The following CCL26 variants were observed in gnomAD, a reference collection of about 807,000 sequenced individuals.
CCL26 encodes C-C motif chemokine 26.
CCL26 carries 10 observed loss-of-function variants against 10.7 expected under a neutral mutation model. The observed-to-expected ratio is 0.93, with a 90% CI of 0.57 to 1.58. The LOEUF (loss-of-function observed/expected upper bound fraction) is 1.58. CCL26 is among the 40% of genes most tolerant of loss of function. The probability of loss-of-function intolerance (pLI) is 0.00; values close to 1 mark genes in which losing one functional copy is unlikely to be tolerated. For missense variants in CCL26, 116 were observed against 111.0 expected (o/e 1.05, Z -0.20); for synonymous variants, 43 against 41.4 (o/e 1.04, Z -0.15).
chr7:75,772,012 C>A lies in CCL26; in HGVS notation c.74-9G>T, dbSNP rs782307904. The A allele has an allele frequency of 6.2e-7, 1 of 1,610,870 alleles. No homozygotes were observed. Among genetic ancestry groups the A allele is most frequent in the Non-Finnish European group, 8.5e-7 (1 of 1,176,990 alleles). ...GGATATGTCACTCCCACCTAAAAATCAGGGAGAGGAAGGGTTTGGAGATAC... is the reference window on the plus strand; with the variant it reads ...GGATATGTCACTCCCACCTAAAAATAAGGGAGAGGAAGGGTTTGGAGATAC... On this transcript the variant is annotated splice_polypyrimidine_tract_variant and intron_variant, in intron 1 of 2. Transcript: ENST00000005180.
chr7:75,783,024 C>T (rs763316772), intron 1 of CCL26, among the ~76,000 whole-genome samples: 18 of 152,136 alleles, frequency 1.2e-4, no homozygotes, highest in East Asian at 1.9e-4. Flanking sequence ...TCCTCACACC[C>T]GGTCTGGCTT....
At chr7:75,774,457 G>GT (rs1459364644), upstream of CCL26, among the ~76,000 whole-genome samples, 28 of 150,582 alleles carry the variant, frequency 1.9e-4, no homozygotes, top group African/African-American at 6.6e-4. Flanking sequence ...CTGTTTGTTT[G>GT]TTTTTTTGAG....
At chr7:75,774,218 C>T (rs28756072), upstream of CCL26, among the ~76,000 whole-genome samples, 6 of 152,150 alleles carry the variant, frequency 3.9e-5, no homozygotes, top group Non-Finnish European at 7.4e-5. Context: ...GGCACAATCT[C>T]GGCTCACTGC....
At chr7:75,786,247 TC>T (rs1803182130) in intron 1 of CCL26, among the ~76,000 whole-genome samples, 1 of 152,158 alleles carries the variant, frequency 6.6e-6, no homozygotes, top group Non-Finnish European at 1.5e-5. Flanking sequence ...CATATTTCCT[TC>T]TTTCCTGTTC....
At chr7:75,790,255 C>T (rs1294688747), upstream of CCL26, among the ~76,000 whole-genome samples, 5 of 146,748 alleles carry the variant, frequency 3.4e-5, no homozygotes, top group East Asian at 2.0e-4. Flanking sequence ...CCCTCCCTCC[C>T]TCCCTCCATA....
At chr7:75,780,820 C>T (rs1554529337) in intron 1 of CCL26, among the ~76,000 whole-genome samples, 1 of 152,138 alleles carries the variant, frequency 6.6e-6, no homozygotes, top group Non-Finnish European at 1.5e-5. Context: ...GAGCCAGGTC[C>T]CAGTTTTTCC....
chr7:75,769,818 T>C (rs1174949766), intron 2 of CCL26, 29 bp from the exon 3 acceptor site: 8 of 1,379,928 alleles, frequency 5.8e-6, no homozygotes, highest in African/African-American at 1.4e-5. Flanking sequence ...GATAAGTCAA[T>C]ATTGAGACTC....
upstream of CCL26, among the ~76,000 whole-genome samples, chr7:75,774,605 C>A (rs1802894444): frequency 6.6e-6 from 1 of 151,822 alleles, no homozygotes; most frequent in Non-Finnish European, 1.5e-5. Context: ...ACCACCATGC[C>A]CGGGTAATTT....
At chr7:75,784,382 T>C (rs1803135578) in intron 1 of CCL26, among the ~76,000 whole-genome samples, 1 of 152,198 alleles carries the variant, frequency 6.6e-6, no homozygotes, top group Admixed American at 6.5e-5. Context: ...CCAGATCTTC[T>C]CGGCTTAACG....
At chr7:75,775,580 T>C (rs1157124891), upstream of CCL26, among the ~76,000 whole-genome samples, 3 of 152,126 alleles carry the variant, frequency 2.0e-5, no homozygotes, top group Non-Finnish European at 4.4e-5. Context: ...AGAGCTGGCT[T>C]AGCGGGTGGG....
chr7:75,778,394 G>A (rs1372141017), intron 1 of CCL26, among the ~76,000 whole-genome samples: 2 of 131,302 alleles, frequency 1.5e-5, no homozygotes, highest in African/African-American at 5.9e-5. Context: ...GCTAGTTTCT[G>A]TATTTTTGGT....
intron 1 of CCL26, among the ~76,000 whole-genome samples, chr7:75,783,704 G>GTT (rs1563339621): frequency 1.8e-4 from 27 of 151,060 alleles, no homozygotes; most frequent in African/African-American, 6.1e-4. Flanking sequence ...GGAGAATGGC[G>GTT]TGAACCCGGT....
At position 75,769,572 on chromosome 7, in the gene CCL26, G is replaced by A. The variant is rs1202721996; in HGVS notation, c.*121C>T. On this transcript the variant is annotated 3_prime_UTR_variant, in exon 3 of 3. Coordinates refer to ENST00000005180, the MANE Select transcript of CCL26 (RefSeq NM_001371938.1). ...AACCTTTATTAAAGTAACTCTGGGA[G>A]GAAACACCCTCTCCTCCCCAGCGGG... The A allele has an allele frequency of 1.7e-6, 1 of 601,838 alleles. No individual in the cohort carries two copies. Among genetic ancestry groups the A allele is most frequent in the South Asian group, 2.2e-5 (1 of 45,252 alleles). The allele number at this position is 601,838 out of a possible 1,614,324, so 37.3% of individuals were successfully genotyped here. A position where few individuals can be genotyped will look rare whatever the true frequency, so the allele number is the denominator to read the frequency against.
chr7:75,775,839 T>C (rs1210691278), upstream of CCL26, among the ~76,000 whole-genome samples: 11 of 135,382 alleles, frequency 8.1e-5, no homozygotes, highest in African/African-American at 3.3e-4. Context: ...TTTCCTTTTT[T>C]TAGTTTTTTT....
chr7:75,787,356 C>T (rs568218208), intron 1 of CCL26, among the ~76,000 whole-genome samples: 118 of 152,190 alleles, frequency 7.8e-4, no homozygotes, highest in Non-Finnish European at 1.2e-3. Flanking sequence ...TAAAGACACA[C>T]CTCACCAGCC....
At chr7:75,788,274 G>A (rs1015329489) in intron 1 of CCL26, among the ~76,000 whole-genome samples, 8 of 152,074 alleles carry the variant, frequency 5.3e-5, no homozygotes, top group African/African-American at 1.7e-4. Context: ...AAAATGGCCT[G>A]TTCTTGCCTT....
At chr7:75,775,171 A>G (rs1802910890), upstream of CCL26, among the ~76,000 whole-genome samples, 1 of 152,006 alleles carries the variant, frequency 6.6e-6, no homozygotes, top group South Asian at 2.1e-4. Flanking sequence ...GTGAGCTGAG[A>G]TCACGCCACT....
At chr7:75,788,004 C>G (rs1019923444) in intron 1 of CCL26, among the ~76,000 whole-genome samples, 1 of 152,096 alleles carries the variant, frequency 6.6e-6, no homozygotes, top group Non-Finnish European at 1.5e-5. Flanking sequence ...TCAACTTAAT[C>G]TCTCCCACTC....
At chr7:75,775,695 C>G (rs1478069518), upstream of CCL26, among the ~76,000 whole-genome samples, 2 of 152,104 alleles carry the variant, frequency 1.3e-5, no homozygotes, top group South Asian at 2.1e-4. Flanking sequence ...AGGAACAAGG[C>G]CCTCAGGAAG....
Sources: gnomAD v4.1 joint callset for allele counts (sites outside exome capture counted in the v4.1 genomes callset) on GRCh38, gnomAD v4.1.1 for gene constraint, MANE v1.5 for transcripts, NCBI Gene and HGNC (gene_info 2026-07-23, HGNC 2026-07-21) for gene names.